Variants in PLEKHA5 observed in about 807,000 individuals in gnomAD.
PLEKHA5 encodes the protein pleckstrin homology domain-containing family A member 5.
In PLEKHA5, 55 loss-of-function variants were observed where a neutral mutation model predicts 181.9. That is an observed-to-expected ratio of 0.30 (90% CI 0.24 to 0.38). The LOEUF is 0.38. Among genes scored for constraint, PLEKHA5 ranks in the 10% least tolerant of loss-of-function variants. The pLI, the probability that PLEKHA5 is intolerant of heterozygous loss-of-function variation, is 1.00. For synonymous variants in PLEKHA5, 535 were observed against 529.4 expected (o/e 1.01, Z -0.15); for missense variants, 1,432 against 1,549.5 (o/e 0.92, Z 1.27).
At position 19,166,286 on chromosome 12, in the gene PLEKHA5, A is replaced by G. The variant is rs540434822; in HGVS notation, c.227+33836A>G. 1.2e-3 allele frequency among the ~76,000 whole-genome samples: 178 copies of G among 152,324 alleles called. 1 individual carries two copies. Among genetic ancestry groups the G allele is most frequent in the African/African-American group, 3.8e-3 (156 of 41,588 alleles). ...GACTGAATTTTATCTGACTTTTTCCATGTAATATTGACGTCATCGAAACAT... is the reference window on the plus strand; with the variant it reads ...GACTGAATTTTATCTGACTTTTTCCGTGTAATATTGACGTCATCGAAACAT... On this transcript the variant is annotated intron_variant, in intron 3 of 31. Coordinates refer to ENST00000429027, the MANE Select transcript of PLEKHA5 (RefSeq NM_001256470.2).
intron 25 of PLEKHA5, among the ~76,000 whole-genome samples, chr12:19,353,415 C>T (rs1430624045): frequency 1.3e-5 from 2 of 152,154 alleles, no homozygotes; most frequent in East Asian, 1.9e-4. Context: ...CCTCAGCCTC[C>T]CAAAGTGCTG....
intron 14 of PLEKHA5, among the ~76,000 whole-genome samples, chr12:19,291,077 C>T (rs897405949): frequency 3.3e-5 from 5 of 152,154 alleles, no homozygotes; most frequent in South Asian, 2.1e-4. Flanking sequence ...ACTTCATGTA[C>T]GCATTAACTT....
rs558365519 is a variant in PLEKHA5, at chr12:19,338,898, T to G, written c.2550+2282T>G. 1.8e-4 allele frequency among the ~76,000 whole-genome samples: 27 copies of G among 149,756 alleles called. No individual in the cohort carries two copies. The East Asian group carries it at 2.0e-3, about 11-fold the overall frequency. On this transcript the variant is annotated intron_variant, in intron 21 of 31. Transcript: ENST00000429027. ...AGTCCATCTCAAAAAAAAAAAAAAA[T>G]AAGAAATCAGCTACAAAAATGAGAT...
At position 19,269,779 on chromosome 12, in the gene PLEKHA5, C is replaced by A; in HGVS notation, c.721C>A (p.Pro241Thr). ...TGTCATTTTCAATCAGGCAGCCCAT[C>A]CAAACATGCGGACCTATTATTTCTG... ...NRKYAFKAAH[P>T]NMRTYYFCTD... Residue 241 changes from proline to threonine, a missense_variant, in exon 9 of 32, where the codon CCA becomes ACA. Pro to Thr is a conservative substitution (Grantham distance 38, BLOSUM62 -1). Around this residue, in one of 2 missense-constraint regions of PLEKHA5, gnomAD observed 289 missense variants for 381.1 expected, o/e 0.76. Coordinates refer to ENST00000429027, the MANE Select transcript of PLEKHA5 (RefSeq NM_001256470.2). 1.3e-6 allele frequency: 2 copies of A among 1,573,444 alleles called. No individual in the cohort carries two copies. The highest frequency in any genetic ancestry group is 1.4e-5 in the African/African-American group (1 of 74,068).
chr12:19,163,334 G>A (rs1340381183), intron 3 of PLEKHA5, among the ~76,000 whole-genome samples: 1 of 151,954 alleles, frequency 6.6e-6, no homozygotes, highest in Non-Finnish European at 1.5e-5. Context: ...CAGCCACAAC[G>A]CCTGGCTTAT....
chr12:19,132,773 CTTTT>C (rs59992820), intron 3 of PLEKHA5, among the ~76,000 whole-genome samples: 10 of 112,120 alleles, frequency 8.9e-5, no homozygotes, highest in African/African-American at 3.4e-4. Context: ...CCACAATTAC[CTTTT>C]TTTTTTTTTT....
chr12:19,235,039 A>G (rs574053921), intron 3 of PLEKHA5, among the ~76,000 whole-genome samples: 17 of 152,134 alleles, frequency 1.1e-4, no homozygotes, highest in African/African-American at 3.9e-4. Flanking sequence ...CTTTTATTGT[A>G]TGAGGAGTTT....
intron 3 of PLEKHA5, among the ~76,000 whole-genome samples, chr12:19,197,497 T>A (rs893504207): frequency 6.6e-6 from 1 of 152,126 alleles, no homozygotes. Context: ...TGAGCCACAC[T>A]CTGCTTTTTC....
At chr12:19,277,718 A>C (rs140080490) in intron 11 of PLEKHA5, among the ~76,000 whole-genome samples, 5 of 152,358 alleles carry the variant, frequency 3.3e-5, no homozygotes, top group African/African-American at 1.2e-4. Context: ...ATTGTAATTC[A>C]ATATATAAAT....
At chr12:19,151,474 G>A (rs200332548) in intron 3 of PLEKHA5, 1 of 105,882 alleles carries the variant, frequency 9.4e-6, no homozygotes, top group East Asian at 2.6e-4. Flanking sequence ...ACTTACAGAG[G>A]CCGTGACTCA....
chr12:19,345,416 A>T (rs1054531351), intron 22 of PLEKHA5, among the ~76,000 whole-genome samples: 6 of 151,034 alleles, frequency 4.0e-5, no homozygotes, highest in South Asian at 2.1e-4. Flanking sequence ...AAATAAAAAT[A>T]AAAAATAAAA....
At chr12:19,244,681 A>G (rs977380058) in intron 3 of PLEKHA5, among the ~76,000 whole-genome samples, 2 of 152,222 alleles carry the variant, frequency 1.3e-5, no homozygotes, top group Admixed American at 6.5e-5. Flanking sequence ...TACACATGTG[A>G]GTTTAGTAAG....
At chr12:19,159,074 C>T (rs2042397170) in intron 3 of PLEKHA5, among the ~76,000 whole-genome samples, 1 of 152,096 alleles carries the variant, frequency 6.6e-6, no homozygotes, top group Admixed American at 6.5e-5. Flanking sequence ...TTAACTTTTG[C>T]TGGGCACAAA....
chr12:19,211,512 T>C (rs947865607), intron 3 of PLEKHA5, among the ~76,000 whole-genome samples: 2 of 152,130 alleles, frequency 1.3e-5, no homozygotes, highest in African/African-American at 4.8e-5. Flanking sequence ...CATGAACTTA[T>C]TCTCCTTTAC....
intron 6 of PLEKHA5, 127 bp downstream of exon 6, chr12:19,257,664 A>C: frequency 1.6e-6 from 1 of 614,684 alleles, no homozygotes; most frequent in Non-Finnish European, 2.8e-6. Context: ...CACCCAGGTT[A>C]TTTGACTGCT....
chr12:19,279,388 A>C (rs2075444058), intron 11 of PLEKHA5, among the ~76,000 whole-genome samples: 1 of 152,086 alleles, frequency 6.6e-6, no homozygotes, highest in Non-Finnish European at 1.5e-5. Context: ...CTCTTGGACC[A>C]GGTGTGGCTC....
intron 3 of PLEKHA5, among the ~76,000 whole-genome samples, chr12:19,159,287 C>G (rs1399471): frequency 0.55 from 83,220 of 152,016 alleles, 26,796 homozygotes; most frequent in Non-Finnish European, 0.74. Context: ...ATCTGGATCC[C>G]AAAAGAAGTA....
chr12:19,197,676 CTGTGTGTGTGTGTGTGTGTGTG>C (rs3056412), intron 3 of PLEKHA5, among the ~76,000 whole-genome samples: 22 of 111,024 alleles, frequency 2.0e-4, no homozygotes, highest in East Asian at 5.9e-4. Flanking sequence ...CTATCCGGTG[CTGTGTGTGTGTGTGTGTGTGTG>C]TGTGTGTGTG....
At chr12:19,286,194 T>G (rs570504818) in intron 12 of PLEKHA5, among the ~76,000 whole-genome samples, 3 of 152,358 alleles carry the variant, frequency 2.0e-5, no homozygotes, top group Admixed American at 6.5e-5. Context: ...CTGACATATG[T>G]CAATATTTAG....
Sources: allele counts gnomAD v4.1 joint callset (sites outside exome capture counted in the v4.1 genomes callset), GRCh38; gene constraint gnomAD v4.1.1; regional missense constraint gnomAD v4.1.1; transcripts MANE v1.5; gene names NCBI Gene and HGNC (gene_info 2026-07-23, HGNC 2026-07-21).